The following AGK variants were observed in gnomAD, a reference collection of about 807,000 sequenced individuals.
The protein encoded by AGK is acylglycerol kinase, mitochondrial.
A neutral mutation model predicts 66.4 loss-of-function variants in AGK; 52 were observed. The observed-to-expected ratio is 0.78, with a 90% CI of 0.63 to 0.99. The LOEUF (loss-of-function observed/expected upper bound fraction) is 0.99, where lower values mean the gene tolerates loss of function less well. Among genes scored for constraint, AGK ranks in the 50% least tolerant of loss-of-function variants. The pLI is 0.00. For missense variants in AGK, 451 were observed against 506.6 expected (o/e 0.89, Z 1.05); for synonymous variants, 182 against 181.1 (o/e 1.00, Z -0.04).
chr7:141,552,926 T>TC (rs1247982654), intron 1 of AGK, among the ~76,000 whole-genome samples: 3 of 152,140 alleles, frequency 2.0e-5, no homozygotes, highest in African/African-American at 7.2e-5. Flanking sequence ...AACCTAATTC[T>TC]CCCCTCAACT....
Position 141,596,596 on chromosome 7 carries a change from A to G in AGK, c.176A>G (p.Gln59Arg), listed in dbSNP as rs1331960091. Residue 59 changes from glutamine to arginine, a missense_variant, in exon 4 of 16, where the codon CAA (glutamine) becomes CGA (arginine). Gln to Arg is a conservative substitution (Grantham distance 43). Coordinates refer to ENST00000649286, the MANE Select transcript of AGK (RefSeq NM_018238.4). ...FGNQLIPPNA[Q>R]VKKATVFLNP... ...AATCAACTCATTCCTCCCAATGCACAAGTGAAGAAGGCCACTGTTTTTCTC... is the reference window on the plus strand; with the variant it reads ...AATCAACTCATTCCTCCCAATGCACGAGTGAAGAAGGCCACTGTTTTTCTC... The G allele has an allele frequency of 6.2e-7, 1 of 1,613,968 alleles. No homozygotes were observed. The highest frequency in any genetic ancestry group is 2.2e-5 in the East Asian group (1 of 44,870).
chr7:141,607,514 AGTT>A, intron 5 of AGK, among the ~76,000 whole-genome samples: 1 of 151,972 alleles, frequency 6.6e-6, no homozygotes, highest in South Asian at 2.1e-4. Context: ...GAGTTTTAAG[AGTT>A]ATTTATATAT....
intron 9 of AGK, among the ~76,000 whole-genome samples, chr7:141,630,578 C>T (rs1285414744): frequency 6.6e-6 from 1 of 151,948 alleles, no homozygotes; most frequent in Non-Finnish European, 1.5e-5. Flanking sequence ...TTATATTTTC[C>T]TTGACCATCT....
intron 9 of AGK, among the ~76,000 whole-genome samples, chr7:141,632,522 A>C (rs1407899835): frequency 1.3e-5 from 2 of 152,004 alleles, no homozygotes; most frequent in Non-Finnish European, 2.9e-5. Flanking sequence ...CCACTTTTCA[A>C]CTTCCTGTGG....
chr7:141,616,216 A>G (rs1796698729), intron 8 of AGK: 2 of 152,224 alleles, frequency 1.3e-5, no homozygotes, highest in South Asian at 4.1e-4. Flanking sequence ...CTTGAATTTG[A>G]GCTTTGACAG....
At chr7:141,604,374 G>GTGTGTATATA (rs1554400830) in intron 5 of AGK, among the ~76,000 whole-genome samples, 1 of 113,826 alleles carries the variant, frequency 8.8e-6, no homozygotes, top group African/African-American at 3.4e-5. Flanking sequence ...GTGTGTGTGT[G>GTGTGTATATA]TATATATATA....
intron 9 of AGK, among the ~76,000 whole-genome samples, chr7:141,626,679 G>A (rs1234056293): frequency 6.6e-6 from 1 of 151,974 alleles, no homozygotes; most frequent in African/African-American, 2.4e-5. Flanking sequence ...AGCAAAAATT[G>A]GACTCATCAA....
At chr7:141,580,125 C>G (rs1223105785) in intron 2 of AGK, among the ~76,000 whole-genome samples, 3 of 151,960 alleles carry the variant, frequency 2.0e-5, no homozygotes, top group Non-Finnish European at 4.4e-5. Context: ...GAGGAAACCT[C>G]TTTTTGCCCA....
rs1239955437 is a variant in AGK at position 141,653,458 on chromosome 7, C to G, written c.*534C>G. 1 of 152,342 alleles carries G rather than the reference C, an allele frequency of 6.6e-6. No individual in the cohort carries two copies. Among genetic ancestry groups the G allele is most frequent in the Non-Finnish European group, 1.5e-5 (1 of 68,138 alleles). The allele number at this position is 152,342 out of a possible 1,614,324, so 9.4% of individuals were successfully genotyped here. On this transcript the variant is annotated 3_prime_UTR_variant, in exon 16 of 16. Coordinates refer to ENST00000649286, the MANE Select transcript of AGK (RefSeq NM_018238.4). ...AGGTTGTTTCCCTCTTCAGCCACGGCTACAATACCGGAAAATGCTAGTTTT... is the reference window on the plus strand; with the variant it reads ...AGGTTGTTTCCCTCTTCAGCCACGGGTACAATACCGGAAAATGCTAGTTTT...
intron 1 of AGK, among the ~76,000 whole-genome samples, chr7:141,554,657 A>G (rs1201820878): frequency 1.3e-5 from 2 of 152,234 alleles, no homozygotes; most frequent in Non-Finnish European, 2.9e-5. Context: ...TTCCAGTAGG[A>G]TTAGGCTAAT....
At chr7:141,600,710 CAG>C (rs1430679941) in intron 4 of AGK, among the ~76,000 whole-genome samples, 4 of 152,200 alleles carry the variant, frequency 2.6e-5, no homozygotes, top group Non-Finnish European at 2.9e-5. Flanking sequence ...AAGTCACTAA[CAG>C]AGATGTGTAT....
rs1295988584 is a variant in AGK at position 141,569,363 on chromosome 7, G to A, written c.101+13796G>A. Among the ~76,000 whole-genome samples the A allele has an allele frequency of 2.6e-5, 4 of 151,946 alleles. 1 individual carries two copies. Among genetic ancestry groups the A allele is most frequent in the Admixed American group, 1.3e-4 (2 of 15,270 alleles). On this transcript the variant is annotated intron_variant, in intron 2 of 15. Coordinates refer to ENST00000649286, the MANE Select transcript of AGK (RefSeq NM_018238.4). ...ATCCTGGCCAACATGGTGAAACCCC[G>A]TCTTTAATGAAAATACAAAAATTAG...
intron 7 of AGK, among the ~76,000 whole-genome samples, chr7:141,615,050 T>A (rs1048604531): frequency 6.6e-6 from 1 of 152,238 alleles, no homozygotes; most frequent in Non-Finnish European, 1.5e-5. Context: ...GTACTTAAGA[T>A]AGTTTATAAA....
chr7:141,635,499 G>A (rs1797151511), intron 10 of AGK, among the ~76,000 whole-genome samples: 1 of 152,080 alleles, frequency 6.6e-6, no homozygotes, highest in South Asian at 2.1e-4. Flanking sequence ...ATGATCAAGG[G>A]CCTCATTAGT....
intron 2 of AGK, among the ~76,000 whole-genome samples, chr7:141,591,846 G>A (rs920700506): frequency 3.9e-5 from 6 of 152,168 alleles, no homozygotes; most frequent in African/African-American, 1.2e-4. Flanking sequence ...CTGGAGCCCC[G>A]GAGGTGACTG....
At chr7:141,571,403 C>T (rs1795603725) in intron 2 of AGK, among the ~76,000 whole-genome samples, 1 of 152,200 alleles carries the variant, frequency 6.6e-6, no homozygotes, top group Admixed American at 6.5e-5. Flanking sequence ...GAGTCAGAAT[C>T]TGCTTTTTAA....
At chr7:141,619,259 A>T (rs1434176372) in intron 8 of AGK, among the ~76,000 whole-genome samples, 1 of 152,138 alleles carries the variant, frequency 6.6e-6, no homozygotes, top group Non-Finnish European at 1.5e-5. Flanking sequence ...AAAAAGAACA[A>T]AGTTTAAGGA....
chr7:141,600,789 T>C (rs1227330339), intron 4 of AGK, among the ~76,000 whole-genome samples: 2 of 152,124 alleles, frequency 1.3e-5, no homozygotes, highest in Non-Finnish European at 2.9e-5. Context: ...TTCTGGTGAA[T>C]TAGTAGTTTG....
intron 8 of AGK, 58 bp from the exon 9 acceptor site, chr7:141,621,674 G>T: frequency 9.0e-7 from 1 of 1,113,270 alleles, no homozygotes; most frequent in Non-Finnish European, 1.4e-6. Context: ...ATGTGGCAGT[G>T]TGGTGGGGGA....
Sources: gnomAD v4.1 joint callset for allele counts (sites outside exome capture counted in the v4.1 genomes callset) on GRCh38, gnomAD v4.1.1 for gene constraint, MANE v1.5 for transcripts, NCBI Gene and HGNC (gene_info 2026-07-23, HGNC 2026-07-21) for gene names.